RPL9: variants seen among roughly 807,000 people sequenced by gnomAD.
RPL9 encodes the protein large ribosomal subunit protein uL6.
For synonymous variants in RPL9, 82 were observed against 77.1 expected (o/e 1.06, Z -0.33); for missense variants, 149 against 236.7 (o/e 0.63, Z 2.43).
At chr4:39,456,920 G>C (rs1199730099) in intron 4 of RPL9, 2 of 193,864 alleles carry the variant, frequency 1.0e-5, no homozygotes, top group Non-Finnish European at 2.1e-5. Flanking sequence ...CTAAGAGCAA[G>C]GGTAGATGGG....
chr4:39,456,990 G>C (rs1744111161), intron 4 of RPL9: 1 of 162,520 alleles, frequency 6.2e-6, no homozygotes. Flanking sequence ...CATTCTAGAA[G>C]GTATAATGCA....
At chr4:39,456,311 C>T in intron 5 of RPL9, 95 bp downstream of exon 5, 1 of 1,406,454 alleles carries the variant, frequency 7.1e-7, no homozygotes, top group Non-Finnish European at 1.0e-6. Flanking sequence ...AAACACAAAA[C>T]AACAGCCAAC....
intron 5 of RPL9, 72 bp from the exon 6 acceptor site, chr4:39,455,016 T>C (rs1461689489): frequency 1.4e-6 from 2 of 1,415,928 alleles, no homozygotes; most frequent in African/African-American, 1.4e-5. Flanking sequence ...AGGCACTAAT[T>C]TATTCCATGT....
At position 39,456,761 on chromosome 4, in the gene RPL9, T is replaced by C. The variant is rs149616407; in HGVS notation, c.259-223A>G. The C allele has an allele frequency of 2.3e-3, 1,174 of 504,894 alleles. 11 individuals are homozygous for C. Among genetic ancestry groups the C allele is most frequent in the African/African-American group, 0.02 (1,062 of 51,848 alleles). The allele number at this position is 504,894 out of a possible 1,614,324, so 31.3% of individuals were successfully genotyped here. On this transcript the variant is annotated intron_variant, in intron 4 of 7. Coordinates refer to ENST00000295955, the MANE Select transcript of RPL9 (RefSeq NM_000661.5). ...ATTTCACTAGCTCTTATGCCCTCAA[T>C]GAACAATGCTGCCTTCTTTTAATGA...
intron 1 of RPL9, 86 bp downstream of exon 1, chr4:39,458,805 C>T: frequency 8.7e-6 from 6 of 686,456 alleles, no homozygotes; most frequent in Non-Finnish European, 1.6e-5. Context: ...GGACAAGGTT[C>T]CGAGAGTGGG....
intron 6 of RPL9, 81 bp from the exon 7 acceptor site, chr4:39,454,730 A>T (rs1308299046): frequency 6.9e-7 from 1 of 1,454,566 alleles, no homozygotes; most frequent in Admixed American, 2.2e-5. Flanking sequence ...TGCTGTACTT[A>T]AAATTTCAGA....
intron 4 of RPL9, 100 bp from the exon 5 acceptor site, chr4:39,456,638 C>A: frequency 7.7e-7 from 1 of 1,290,930 alleles, no homozygotes; most frequent in Non-Finnish European, 1.1e-6. Context: ...AAACGTAACA[C>A]TCACTGCCAA....
chr4:39,454,492 A>G lies in RPL9; in HGVS notation c.*10+41T>C. 2.1e-6 allele frequency: 3 copies of G among 1,421,138 alleles called. 1 individual carries two copies. The highest frequency in any genetic ancestry group is 2.5e-5 in the South Asian group (2 of 80,200). 88.0% of individuals were successfully genotyped at this position (1,421,138 alleles called of 1,614,324 possible). Reference sequence around the variant, plus strand: ...TTTAGTAAATTAAGAGCTTCATTCAACTAGAGCAGTAATAAAACTTAAGAC... The same window carrying G: ...TTTAGTAAATTAAGAGCTTCATTCAGCTAGAGCAGTAATAAAACTTAAGAC... On this transcript the variant is annotated intron_variant, in intron 7 of 7. Transcript: ENST00000295955.
intron 5 of RPL9, 97 bp from the exon 6 acceptor site, chr4:39,455,041 C>G (rs1210015136): frequency 8.2e-7 from 1 of 1,217,732 alleles, no homozygotes; most frequent in Non-Finnish European, 1.2e-6. Flanking sequence ...CTCCATGCAC[C>G]AAAAGAACCT....
At chr4:39,455,705 G>C (rs1330745109) in intron 5 of RPL9, 1 of 153,396 alleles carries the variant, frequency 6.5e-6, no homozygotes, top group Admixed American at 6.5e-5. Context: ...CGAAGGTGGA[G>C]GATGCAATGA....
rs540603312 is a variant in RPL9, at chr4:39,454,997, A to C, written c.392-53T>G. Reference sequence around the variant, plus strand: ...CATCAAATCTGTGTAAAAAATATTTAAATTGCAGAGGCACTAATTTATTCC... The same window carrying C: ...CATCAAATCTGTGTAAAAAATATTTCAATTGCAGAGGCACTAATTTATTCC... On this transcript the variant is annotated intron_variant, in intron 5 of 7. Coordinates refer to ENST00000295955, the MANE Select transcript of RPL9 (RefSeq NM_000661.5). 9.2e-6 allele frequency: 14 copies of C among 1,523,088 alleles called. No homozygotes were observed. In the Admixed American group the frequency reaches 2.5e-4, roughly 27 times the overall value. The allele number at this position is 1,523,088 out of a possible 1,614,324, so 94.3% of individuals were successfully genotyped here. A position where few individuals can be genotyped will look rare whatever the true frequency, so the allele number is the denominator to read the frequency against.
At chr4:39,457,271 G>A (rs1578224833) in intron 4 of RPL9, 1 of 221,056 alleles carries the variant, frequency 4.5e-6, no homozygotes, top group Non-Finnish European at 9.0e-6. Flanking sequence ...GCTCATGCCT[G>A]CAATCCCAGT....
chr4:39,456,814 T>C (rs750213472), intron 4 of RPL9: 2 of 348,094 alleles, frequency 5.7e-6, no homozygotes, highest in African/African-American at 2.1e-5. Context: ...TCTTAGACAT[T>C]AGACTAACAT....
At chr4:39,455,012 T>A in intron 5 of RPL9, 68 bp from the exon 6 acceptor site, 1 of 1,450,774 alleles carries the variant, frequency 6.9e-7, no homozygotes, top group Non-Finnish European at 9.5e-7. Flanking sequence ...GCAGAGGCAC[T>A]AATTTATTCC....
rs768417540 is a variant in RPL9, at chr4:39,456,527, G to A, written c.270C>T (p.Tyr90=). 37 of 1,613,708 alleles carry A rather than the reference G, an allele frequency of 2.3e-5. No homozygotes were observed. Among genetic ancestry groups the A allele is most frequent in the Non-Finnish European group, 2.9e-5 (34 of 1,179,814 alleles). ...MIKGVTLGFR[Y]KMRSVYAHFP... ...AGTGAGCATACACAGACCTCATCTT[G>A]TAACGGAAGCCCTATGTTAAATAAA... Residue 90 remains tyrosine (Y), a synonymous_variant, in exon 5 of 8, where the codon TAC becomes TAT. Coordinates refer to ENST00000295955, the MANE Select transcript of RPL9 (RefSeq NM_000661.5).
chr4:39,455,484 G>C (rs1008878342), intron 5 of RPL9, among the ~76,000 whole-genome samples: 3 of 150,828 alleles, frequency 2.0e-5, no homozygotes, highest in Non-Finnish European at 4.4e-5. Context: ...GAGCCTGCAA[G>C]TTCAAGACCA....
chr4:39,458,730 C>A, intron 1 of RPL9, 161 bp downstream of exon 1: 1 of 653,434 alleles, frequency 1.5e-6, no homozygotes, highest in Non-Finnish European at 2.8e-6. Flanking sequence ...CCAAAAAGCC[C>A]ACAACAGGAT....
Position 39,456,556 on chromosome 4 carries a change from G to A in RPL9, c.259-18C>T. 6.2e-7 allele frequency: 1 copy of A among 1,612,676 alleles called. No homozygotes were observed. The highest frequency in any genetic ancestry group is 8.5e-7 in the Non-Finnish European group (1 of 1,179,238). On this transcript the variant is annotated intron_variant, in intron 4 of 7. Coordinates refer to ENST00000295955, the MANE Select transcript of RPL9 (RefSeq NM_000661.5). Reference sequence around the variant, plus strand: ...CGGAAGCCCTATGTTAAATAAATAAGCAAGCTATTAGCAATGCTGAGGAAT... The same window carrying A: ...CGGAAGCCCTATGTTAAATAAATAAACAAGCTATTAGCAATGCTGAGGAAT...
chr4:39,458,884 T>A lies in RPL9; in HGVS notation c.-2+7A>T, dbSNP rs906991221. 7 of 701,580 alleles carry A rather than the reference T, an allele frequency of 1.0e-5. No individual in the cohort carries two copies. Among genetic ancestry groups the A allele is most frequent in the Admixed American group, 8.0e-5 (4 of 49,898 alleles). 43.5% of individuals were successfully genotyped at this position (701,580 alleles called of 1,614,324 possible). On this transcript the variant is annotated splice_region_variant and intron_variant, in intron 1 of 7. Transcript: ENST00000295955. ...CAGTACCCCCACGAGCACAGAAACA[T>A]CCTTACCTCGCAGTAGACGCAGCAA...
Sources: allele counts gnomAD v4.1 joint callset (sites outside exome capture counted in the v4.1 genomes callset), GRCh38; gene constraint gnomAD v4.1.1; transcripts MANE v1.5; gene names NCBI Gene and HGNC (gene_info 2026-07-23, HGNC 2026-07-21).